FAT3: variants seen among roughly 807,000 people sequenced by gnomAD.
FAT3 encodes the protein FAT atypical cadherin 3.
FAT3 carries 95 observed loss-of-function variants against 310.2 expected under a neutral mutation model. That is an observed-to-expected ratio of 0.31 (90% CI 0.26 to 0.36). The LOEUF is 0.36. Ranked by LOEUF, FAT3 falls within the 10% of genes least tolerant of loss-of-function variation. The pLI, the probability that FAT3 is intolerant of heterozygous loss-of-function variation, is 1.00. For synonymous variants in FAT3, 2,314 were observed against 2,192.9 expected, an observed-to-expected ratio of 1.06 and a Z score of -1.54; for missense variants, 5,408 against 5,715.6, an observed-to-expected ratio of 0.95 and a Z score of 1.74.
At chr11:92,652,306 C>G (rs1236236308) in intron 3 of FAT3, among the ~76,000 whole-genome samples, 2 of 152,174 alleles carry the variant, frequency 1.3e-5, no homozygotes, top group African/African-American at 4.8e-5. Context: ...ATTGAAACCA[C>G]AGGCCATACA....
chr11:92,711,907 T>C (rs1454730353), intron 4 of FAT3, among the ~76,000 whole-genome samples: 1 of 152,192 alleles, frequency 6.6e-6, no homozygotes, highest in Non-Finnish European at 1.5e-5. Context: ...TAAGCACCTT[T>C]TCACAAAAGT....
rs1555002205 is a variant in FAT3, at chr11:92,291,113, A to ACACG, written c.-17-60980_-17-60979insGCAC. ...CACACACACACACACACACACACACACACATGCACGCGCGCAGAAGTAGGT... is the reference window on the plus strand; with the variant it reads ...CACACACACACACACACACACACACACACGCACATGCACGCGCGCAGAAGTAGGT... On this transcript the variant is annotated intron_variant, in intron 1 of 27. Coordinates refer to ENST00000525166, the MANE Select transcript of FAT3 (RefSeq NM_001367949.2). Among the ~76,000 whole-genome samples, 264 of 151,312 alleles carry ACACG rather than the reference A, an allele frequency of 1.7e-3. 8 individuals are homozygous for ACACG. In the East Asian group the frequency reaches 0.044, roughly 25 times the overall value.
chr11:92,434,309 T>G (rs1183482404), intron 2 of FAT3, among the ~76,000 whole-genome samples: 1 of 152,176 alleles, frequency 6.6e-6, no homozygotes, highest in Non-Finnish European at 1.5e-5. Flanking sequence ...TACAGCTGTT[T>G]ACATCATTTC....
At chr11:92,679,410 T>C (rs1943398208) in intron 3 of FAT3, among the ~76,000 whole-genome samples, 2 of 152,200 alleles carry the variant, frequency 1.3e-5, no homozygotes, top group South Asian at 4.1e-4. Context: ...TAATATACAT[T>C]CCCTCCAGTA....
chr11:92,227,517 G>T (rs1042847665), intron 1 of FAT3, among the ~76,000 whole-genome samples: 1 of 152,262 alleles, frequency 6.6e-6, no homozygotes, highest in South Asian at 2.1e-4. Flanking sequence ...CCACATCTCA[G>T]TATCGATCAA....
rs1199668446 is a variant in FAT3, at chr11:92,524,777, C to T, written c.3436C>T (p.Pro1146Ser). The change falls in exon 3 of 28, where the codon CCG (proline) becomes TCG (serine). Residue 1146 changes from proline to serine, a missense_variant. Coordinates refer to ENST00000525166, the MANE Select transcript of FAT3 (RefSeq NM_001367949.2). The stretch of plus-strand genomic sequence containing the variant: ...AGTTGAAGATGTGAATGACAATGCC[C>T]CGCTGACCTCAGAACCTATATATTA... ...IEVEDVNDNA[P>S]LTSEPIYYPV... 6.2e-7 allele frequency: 1 copy of T among 1,613,668 alleles called. No individual in the cohort carries two copies. Among genetic ancestry groups the T allele is most frequent in the Non-Finnish European group, 8.5e-7 (1 of 1,179,774 alleles).
intron 4 of FAT3, among the ~76,000 whole-genome samples, chr11:92,698,110 T>C (rs1943992820): frequency 6.6e-6 from 1 of 152,206 alleles, no homozygotes; most frequent in East Asian, 1.9e-4. Context: ...CGTGATTTAA[T>C]TGTGACTGTG....
At chr11:92,344,602 G>A (rs1173586952) in intron 1 of FAT3, among the ~76,000 whole-genome samples, 1 of 152,190 alleles carries the variant, frequency 6.6e-6, no homozygotes, top group African/African-American at 2.4e-5. Context: ...AAAAAATGCT[G>A]AGATTGCTAA....
intron 3 of FAT3, among the ~76,000 whole-genome samples, chr11:92,632,446 A>G (rs946344133): frequency 2.0e-5 from 3 of 152,208 alleles, no homozygotes; most frequent in African/African-American, 7.2e-5. Flanking sequence ...AAGGAGCTGT[A>G]TGCAGTGAGG....
rs537185297 is a variant in FAT3, at chr11:92,682,572, G to A, written c.3608-14812G>A. ...TTCAGCCTTGACAATCTACCATTTGGGAAGTTAATCACAAATACTTGGCAT... is the reference window on the plus strand; with the variant it reads ...TTCAGCCTTGACAATCTACCATTTGAGAAGTTAATCACAAATACTTGGCAT... On this transcript the variant is annotated intron_variant, in intron 3 of 27. Transcript: ENST00000525166. Among the ~76,000 whole-genome samples the A allele has an allele frequency of 1.2e-4, 18 of 152,268 alleles. No homozygotes were observed. In the South Asian group the frequency reaches 2.9e-3, roughly 25 times the overall value.
Position 92,797,961 on chromosome 11 carries a change from C to T in FAT3, c.4948C>T (p.Pro1650Ser), listed in dbSNP as rs1192052810. The change falls in exon 10 of 28, where the codon CCA becomes TCA. Residue 1650 changes from proline (P) to serine (S), a missense_variant. Transcript: ENST00000525166. ...CAAAGTCACAGATCAGGGATCCCCG[C>T]CAATGTCTGCTACTGCAATTGTGCG... is the stretch of plus-strand genomic sequence containing the variant. ...SIKVTDQGSPPMSATAIVRIS... is the reference protein window; with the variant it reads ...SIKVTDQGSPSMSATAIVRIS... The T allele has an allele frequency of 1.9e-6, 3 of 1,613,762 alleles. No individual in the cohort carries two copies. The African/African-American group carries it at 4.0e-5, about 22-fold the overall frequency.
intron 4 of FAT3, among the ~76,000 whole-genome samples, chr11:92,708,808 A>T (rs967894567): frequency 7.2e-5 from 11 of 152,224 alleles, no homozygotes; most frequent in Non-Finnish European, 1.3e-4. Flanking sequence ...AGAAAATCCC[A>T]AAAGCTTAGA....
In FAT3 at chr11:92,558,402, A is replaced by ATGTGTGTGTG. The variant is rs58362077; in HGVS notation, c.3607+33466_3607+33475dup. On this transcript the variant is annotated intron_variant, in intron 3 of 27. Transcript: ENST00000525166. ...ATTCATATGTGCACGTGTTGTGTTTATGTGTGTGTGTGTGTGTGTGTATGC... is the reference window on the plus strand; with the variant it reads ...ATTCATATGTGCACGTGTTGTGTTTATGTGTGTGTGTGTGTGTGTGTGTGTGTGTGTATGC... Among the ~76,000 whole-genome samples the ATGTGTGTGTG allele has an allele frequency of 7.2e-3, 1,078 of 150,116 alleles. 12 individuals carry two copies. Among genetic ancestry groups the ATGTGTGTGTG allele is most frequent in the African/African-American group, 0.015 (614 of 40,880 alleles).
At chr11:92,867,304 T>A in intron 22 of FAT3, 95 bp downstream of exon 22, 2 of 1,259,136 alleles carry the variant, frequency 1.6e-6, no homozygotes, top group Non-Finnish European at 2.1e-6. Flanking sequence ...GCAAGGACTC[T>A]ACTAGAGAGG....
chr11:92,808,574 G>A (rs189771135), intron 12 of FAT3, among the ~76,000 whole-genome samples: 349 of 152,284 alleles, frequency 2.3e-3, no homozygotes, highest in African/African-American at 8.0e-3. Flanking sequence ...GATCCAACCT[G>A]TATCTGAGAA....
intron 2 of FAT3, among the ~76,000 whole-genome samples, chr11:92,492,246 T>C (rs1952623275): frequency 1.2e-5 from 1 of 84,056 alleles, no homozygotes; most frequent in South Asian, 2.8e-4. Context: ...TATATTTCCA[T>C]CCATCCATCC....
rs1005522556 is a variant in FAT3 at position 92,613,739 on chromosome 11, A to G, written c.3608-83645A>G. 5.9e-5 allele frequency among the ~76,000 whole-genome samples: 9 copies of G among 152,244 alleles called. No individual in the cohort carries two copies. In the South Asian group the frequency reaches 1.9e-3, roughly 32 times the overall value. On this transcript the variant is annotated intron_variant, in intron 3 of 27. Transcript: ENST00000525166. ...CTGATCATTGGTGTTTTGGGAGTAA[A>G]ATAAGTGATAGAGGATGTGTGTTGT...
At chr11:92,738,218 G>A (rs932166737) in intron 4 of FAT3, among the ~76,000 whole-genome samples, 3 of 152,082 alleles carry the variant, frequency 2.0e-5, no homozygotes, top group East Asian at 1.9e-4. Context: ...GAAGAATTCC[G>A]TAATCACCTT....
intron 1 of FAT3, among the ~76,000 whole-genome samples, chr11:92,238,721 C>T (rs974333443): frequency 2.6e-5 from 4 of 151,958 alleles, no homozygotes; most frequent in Admixed American, 2.0e-4. Context: ...AAATACTATG[C>T]ATGTGTTTAA....
Sources: allele counts gnomAD v4.1 joint callset (sites outside exome capture counted in the v4.1 genomes callset), GRCh38; gene constraint gnomAD v4.1.1; transcripts MANE v1.5; gene names NCBI Gene and HGNC (gene_info 2026-07-23, HGNC 2026-07-21).